Variants in ISM1 observed in about 807,000 individuals in gnomAD.
ISM1 encodes isthmin-1.
ISM1 carries 25 observed loss-of-function variants against 46.3 expected under a neutral mutation model. The observed-to-expected ratio is 0.54, with a 90% CI of 0.39 to 0.75. ISM1 has a LOEUF of 0.75. Among genes scored for constraint, ISM1 ranks in the 30% least tolerant of loss-of-function variants. The pLI, the probability that ISM1 is intolerant of heterozygous loss-of-function variation, is 0.00. For missense variants in ISM1, 536 were observed against 625.4 expected (o/e 0.86, Z 1.52); for synonymous variants, 255 against 256.7 (o/e 0.99, Z 0.06).
chr20:13,252,932 C>T (rs1038077926), intron 1 of ISM1, among the ~76,000 whole-genome samples: 1 of 152,142 alleles, frequency 6.6e-6, no homozygotes, highest in South Asian at 2.1e-4. Flanking sequence ...GGTCCCCAGC[C>T]CCCCCTCTCA....
At chr20:13,263,544 G>A (rs1175912942) in intron 1 of ISM1, among the ~76,000 whole-genome samples, 63 of 152,078 alleles carry the variant, frequency 4.1e-4, no homozygotes, top group Non-Finnish European at 1.5e-5. Flanking sequence ...CTCTTCAAAT[G>A]GCAAAACTTT....
intron 5 of ISM1, among the ~76,000 whole-genome samples, chr20:13,297,807 T>C (rs1231401252): frequency 3.3e-5 from 5 of 152,244 alleles, no homozygotes; most frequent in Non-Finnish European, 4.4e-5. Context: ...TTTTTAATAC[T>C]GAAAGAACCA....
At chr20:13,306,498 T>C in the ISM1 span, among the ~76,000 whole-genome samples, 1 of 150,892 alleles carries the variant, frequency 6.6e-6, no homozygotes, top group African/African-American at 2.4e-5. Flanking sequence ...TTTGGTGGTG[T>C]TTTTTGTTTG....
chr20:13,307,848 A>T, the ISM1 span, among the ~76,000 whole-genome samples: 1 of 152,262 alleles, frequency 6.6e-6, no homozygotes, highest in African/African-American at 2.4e-5. Flanking sequence ...GAACATTTGG[A>T]TTGTTTCTAG....
intron 1 of ISM1, among the ~76,000 whole-genome samples, chr20:13,261,897 C>G (rs1435279281): frequency 3.3e-5 from 5 of 152,216 alleles, no homozygotes; most frequent in African/African-American, 1.2e-4. Context: ...CTCTCACCAA[C>G]AGAACACCAG....
downstream of ISM1, among the ~76,000 whole-genome samples, chr20:13,301,291 C>T (rs2040456415): frequency 1.3e-5 from 2 of 152,092 alleles, no homozygotes; most frequent in Admixed American, 1.3e-4. Context: ...TGAGTTCAAG[C>T]GATTCTCGTG....
chr20:13,274,081 G>A (rs2040147057), intron 2 of ISM1, among the ~76,000 whole-genome samples: 1 of 150,952 alleles, frequency 6.6e-6, no homozygotes, highest in Non-Finnish European at 1.5e-5. Context: ...GTGTGTGTAT[G>A]TGTGCATGTG....
intron 3 of ISM1, among the ~76,000 whole-genome samples, chr20:13,284,744 A>T (rs2040273160): frequency 6.6e-6 from 1 of 152,180 alleles, no homozygotes; most frequent in Non-Finnish European, 1.5e-5. Flanking sequence ...AGGCAGTTTC[A>T]CTTCACTGTC....
chr20:13,311,250 TA>T, the ISM1 span, among the ~76,000 whole-genome samples: 1,908 of 127,608 alleles, frequency 0.015, 39 homozygotes, highest in African/African-American at 0.053. Context: ...AGATGATAGA[TA>T]GATAGATAGA....
intron 5 of ISM1, among the ~76,000 whole-genome samples, 188 bp downstream of exon 5, chr20:13,292,651 A>G (rs1362687537): frequency 2.0e-5 from 3 of 152,038 alleles, no homozygotes; most frequent in African/African-American, 7.2e-5. Context: ...AGCCTCCTCC[A>G]CCGGACCGAG....
At chr20:13,311,632 T>C in the ISM1 span, among the ~76,000 whole-genome samples, 3 of 152,214 alleles carry the variant, frequency 2.0e-5, no homozygotes, top group African/African-American at 7.2e-5. Context: ...CTTTCATTTA[T>C]GAGAACATGG....
intron 5 of ISM1, among the ~76,000 whole-genome samples, chr20:13,294,083 C>G (rs531888800): frequency 2.6e-5 from 4 of 152,108 alleles, no homozygotes; most frequent in Non-Finnish European, 4.4e-5. Context: ...TCCAAAGGGT[C>G]GGCCATGATG....
chr20:13,281,667 T>G (rs1394220322), intron 3 of ISM1, among the ~76,000 whole-genome samples: 1 of 152,078 alleles, frequency 6.6e-6, no homozygotes, highest in Admixed American at 6.5e-5. Context: ...GCACACCACT[T>G]AGGACAGTAG....
Position 13,299,095 on chromosome 20 carries a change from A to G in ISM1, c.1031A>G (p.Lys344Arg). 6.2e-7 allele frequency: 1 copy of G among 1,613,778 alleles called. No individual in the cohort carries two copies. The highest frequency in any genetic ancestry group is 8.5e-7 in the Non-Finnish European group (1 of 1,179,824). Reference protein sequence around the residue: ...TADIFDRIKRKDFRWKDASGP... With the variant: ...TADIFDRIKRRDFRWKDASGP... ...GACATCTTCGACCGCATCAAGCGCA[A>G]GGACTTCCGCTGGAAGGACGCCAGC... Residue 344 changes from lysine (K) to arginine (R), a missense_variant, in exon 6 of 6, where the codon AAG becomes AGG. Transcript: ENST00000262487. This position sits in a 1 kb window ranked among gnomAD's most constrained non-coding sequence, Gnocchi z 5.8.
At chr20:13,297,502 A>C (rs2040418637) in intron 5 of ISM1, among the ~76,000 whole-genome samples, 1 of 152,308 alleles carries the variant, frequency 6.6e-6, no homozygotes, top group Non-Finnish European at 1.5e-5. Flanking sequence ...GGGGTAACCC[A>C]AACTAAGACA....
intron 1 of ISM1, among the ~76,000 whole-genome samples, chr20:13,224,107 T>C (rs1600471634): frequency 6.6e-6 from 1 of 152,240 alleles, no homozygotes; most frequent in Non-Finnish European, 1.5e-5. Context: ...TAGAAATATC[T>C]TGAGTCCCAA....
In ISM1 at chr20:13,299,322, G is replaced by A. The variant is rs777768833; in HGVS notation, c.1258G>A (p.Val420Ile). Residue 420 changes from valine (V) to isoleucine (I), a missense_variant, in exon 6 of 6, where the codon GTC (valine) becomes ATC (isoleucine). Physicochemically the swap from Val to Ile is conservative, Grantham distance 29 (BLOSUM62 3). This residue lies in a region of ISM1 where 169 missense variants were observed against 249.3 expected (regional missense o/e 0.68). Coordinates refer to ENST00000262487, the MANE Select transcript of ISM1 (RefSeq NM_080826.2). This position sits in a 1 kb window ranked among gnomAD's most constrained non-coding sequence, Gnocchi z 5.8. ...CGCGGAGCTCCACTACAAGGTGGACGTCCTGCCCTGGATTATCTGCAAGGG... is the reference window on the plus strand; with the variant it reads ...CGCGGAGCTCCACTACAAGGTGGACATCCTGCCCTGGATTATCTGCAAGGG... ...FSAELHYKVD[V>I]LPWIICKGDW... The A allele has an allele frequency of 5.3e-5, 86 of 1,613,900 alleles. No individual in the cohort carries two copies. In the East Asian group the frequency reaches 8.9e-4, roughly 17 times the overall value.
chr20:13,261,335 C>T (rs243901), intron 1 of ISM1, among the ~76,000 whole-genome samples: 13,706 of 151,680 alleles, frequency 0.09, 699 homozygotes, highest in East Asian at 0.17. Context: ...GGAGAATCGC[C>T]TGAACCCAGA....
chr20:13,307,419 G>C, the ISM1 span, among the ~76,000 whole-genome samples: 1 of 152,030 alleles, frequency 6.6e-6, no homozygotes, highest in South Asian at 2.1e-4. Flanking sequence ...AGAATATAAG[G>C]CTCATGAAGG....
Sources: allele counts gnomAD v4.1 joint callset (sites outside exome capture counted in the v4.1 genomes callset), GRCh38; gene constraint gnomAD v4.1.1; regional missense constraint gnomAD v4.1.1; non-coding constraint Gnocchi (gnomAD v3.1); transcripts MANE v1.5; gene names NCBI Gene and HGNC (gene_info 2026-07-23, HGNC 2026-07-21).